The following GLIS1 variants were observed in gnomAD, a reference collection of about 807,000 sequenced individuals.
GLIS1 encodes the protein GLIS family zinc finger 1, also known as zinc finger protein GLIS1.
Under a neutral mutation model 63.8 loss-of-function variants are expected in GLIS1, and 24 were observed. The observed-to-expected ratio is 0.38, with a 90% CI of 0.27 to 0.53. The LOEUF (loss-of-function observed/expected upper bound fraction) is 0.53, where lower values mean the gene tolerates loss of function less well. GLIS1 is among the 20% of genes least tolerant of loss of function. The pLI is 0.85. For missense variants in GLIS1, 1,036 were observed against 1,074.1 expected (o/e 0.96, Z 0.50); for synonymous variants, 450 against 482.5 (o/e 0.93, Z 0.88).
chr1:53,610,711 G>A (rs146629899), intron 2 of GLIS1, among the ~76,000 whole-genome samples: 1,763 of 152,248 alleles, frequency 0.012, 28 homozygotes, highest in African/African-American at 0.041. Flanking sequence ...GTGTCACAAC[G>A]TCTTCTGTCA....
chr1:53,626,607 G>T (rs1002256380), intron 2 of GLIS1, among the ~76,000 whole-genome samples: 3 of 152,240 alleles, frequency 2.0e-5, no homozygotes, highest in African/African-American at 7.2e-5. Context: ...GCTCGCTGAG[G>T]GCAGGGGCTT....
chr1:53,567,249 G>A (rs58651777), intron 4 of GLIS1, among the ~76,000 whole-genome samples: 2 of 152,032 alleles, frequency 1.3e-5, no homozygotes, highest in Non-Finnish European at 2.9e-5. Context: ...CCCTGCTCTA[G>A]GGATCTGTGG....
intron 2 of GLIS1, among the ~76,000 whole-genome samples, chr1:53,732,813 A>T (rs558537119): frequency 3.0e-4 from 45 of 152,264 alleles, no homozygotes; most frequent in African/African-American, 7.5e-4. Context: ...AAAAAAAAAA[A>T]AATAACAAAC....
chr1:53,577,025 T>C (rs1471964545), intron 4 of GLIS1, among the ~76,000 whole-genome samples: 1 of 151,646 alleles, frequency 6.6e-6, no homozygotes, highest in Non-Finnish European at 1.5e-5. Flanking sequence ...GGCCACCCAA[T>C]CTCTGTGCCT....
intron 2 of GLIS1, among the ~76,000 whole-genome samples, chr1:53,712,179 C>T (rs978139033): frequency 9.2e-5 from 14 of 152,352 alleles, no homozygotes; most frequent in African/African-American, 3.4e-4. Flanking sequence ...TCTTTCCCTT[C>T]TACCAGGCCT....
At chr1:53,693,989 G>A (rs1301440672) in intron 2 of GLIS1, among the ~76,000 whole-genome samples, 1 of 152,184 alleles carries the variant, frequency 6.6e-6, no homozygotes, top group Admixed American at 6.5e-5. Flanking sequence ...AGGCCTGACG[G>A]TGGGCACTGG....
In GLIS1 at chr1:53,536,142, A is replaced by G. The variant is rs556263837; in HGVS notation, c.1321-6190T>C. ...TCTGACGCCATCTGTCCATGCAGAG[A>G]ATGATACAGGCACCTTCTGTCGAGG... On this transcript the variant is annotated intron_variant, in intron 4 of 10. Coordinates refer to ENST00000628545, the MANE Select transcript of GLIS1 (RefSeq NM_001367484.1). Among the ~76,000 whole-genome samples the G allele has an allele frequency of 3.3e-5, 5 of 152,138 alleles. 1 individual carries two copies. In the South Asian group the frequency reaches 1.0e-3, roughly 32 times the overall value.
intron 4 of GLIS1, among the ~76,000 whole-genome samples, chr1:53,559,384 C>T (rs1377808790): frequency 2.0e-5 from 3 of 152,294 alleles, no homozygotes; most frequent in African/African-American, 7.2e-5. Context: ...GTTTTGGACT[C>T]TGAGATGGAA....
At chr1:53,568,730 C>T (rs1337812353) in intron 4 of GLIS1, among the ~76,000 whole-genome samples, 1 of 152,184 alleles carries the variant, frequency 6.6e-6, no homozygotes, top group East Asian at 1.9e-4. Flanking sequence ...TTCTCTGTCT[C>T]CTGCTCCACC....
At chr1:53,530,024 C>G (rs1054322445) in intron 4 of GLIS1, 72 bp from the exon 5 acceptor site, 16 of 1,462,106 alleles carry the variant, frequency 1.1e-5, no homozygotes, top group East Asian at 2.4e-5. Flanking sequence ...ACTAACCCCC[C>G]AGGCCTGCCT....
intron 2 of GLIS1, chr1:53,734,064 T>G: frequency 1.1e-6 from 1 of 928,892 alleles, no homozygotes; most frequent in Non-Finnish European, 1.3e-6. Context: ...ACAATTCCTT[T>G]TTTTTTTTTT....
intron 2 of GLIS1, among the ~76,000 whole-genome samples, chr1:53,612,250 G>GT (rs1338853931): frequency 6.6e-5 from 10 of 151,898 alleles, no homozygotes; most frequent in East Asian, 3.9e-4. Context: ...CTTACTTTTT[G>GT]TTTTTTTTAG....
chr1:53,715,880 G>A (rs142313785), intron 2 of GLIS1, among the ~76,000 whole-genome samples: 380 of 152,304 alleles, frequency 2.5e-3, no homozygotes, highest in Non-Finnish European at 4.4e-3. Flanking sequence ...AACAGAAGTG[G>A]AGAATGGGGC....
chr1:53,631,976 G>A (rs759533698), intron 2 of GLIS1, among the ~76,000 whole-genome samples: 2 of 152,166 alleles, frequency 1.3e-5, no homozygotes, highest in Admixed American at 6.5e-5. Context: ...GAGTGTGAGG[G>A]ATGTGTGAAT....
chr1:53,730,719 T>C (rs1646851514), intron 2 of GLIS1, among the ~76,000 whole-genome samples: 1 of 152,098 alleles, frequency 6.6e-6, no homozygotes, highest in South Asian at 2.1e-4. Flanking sequence ...TGCAAGTCCA[T>C]CTTCAGAATC....
At chr1:53,624,395 G>A (rs1645573940) in intron 2 of GLIS1, among the ~76,000 whole-genome samples, 1 of 152,140 alleles carries the variant, frequency 6.6e-6, no homozygotes, top group Admixed American at 6.5e-5. Flanking sequence ...AATTTATAAT[G>A]CATCATCAAC....
At chr1:53,738,637 C>T (rs1366624374) in intron 1 of GLIS1, among the ~76,000 whole-genome samples, 1 of 152,210 alleles carries the variant, frequency 6.6e-6, no homozygotes, top group Non-Finnish European at 1.5e-5. Flanking sequence ...GACTCACCCG[C>T]GACCACCCGA....
At chr1:53,601,753 C>G (rs1645319864) in intron 2 of GLIS1, among the ~76,000 whole-genome samples, 1 of 152,208 alleles carries the variant, frequency 6.6e-6, no homozygotes, top group Admixed American at 6.5e-5. Flanking sequence ...GTCTTAATCG[C>G]TATGTAATAA....
intron 2 of GLIS1, among the ~76,000 whole-genome samples, chr1:53,643,413 G>A (rs1645808526): frequency 6.6e-6 from 1 of 152,186 alleles, no homozygotes; most frequent in South Asian, 2.1e-4. Flanking sequence ...TTGACCTGGA[G>A]TGAGCCACGG....
Sources: gnomAD v4.1 joint callset for allele counts (sites outside exome capture counted in the v4.1 genomes callset) on GRCh38, gnomAD v4.1.1 for gene constraint, MANE v1.5 for transcripts, NCBI Gene and HGNC (gene_info 2026-07-23, HGNC 2026-07-21) for gene names.